Variants in IL17REL observed in about 807,000 individuals in gnomAD.
The protein encoded by IL17REL is interleukin-17 receptor E-like protein.
A neutral mutation model predicts 49.0 loss-of-function variants in IL17REL; 36 were observed. The ratio of observed to expected loss-of-function variants is 0.73; its 90% CI spans 0.56 to 0.97. The LOEUF (loss-of-function observed/expected upper bound fraction) is 0.97. IL17REL is among the 50% of genes least tolerant of loss of function. The pLI, the probability that IL17REL is intolerant of heterozygous loss-of-function variation, is 0.00. For synonymous variants in IL17REL, 206 were observed against 192.4 expected (o/e 1.07, Z -0.58); for missense variants, 470 against 453.9 (o/e 1.04, Z -0.32).
intron 1 of IL17REL, among the ~76,000 whole-genome samples, chr22:50,006,243 G>A (rs561336614): frequency 6.6e-6 from 1 of 152,144 alleles, no homozygotes; most frequent in Admixed American, 6.6e-5. Context: ...GGGAGAGAAA[G>A]CTCCCCCAAA....
chr22:49,997,176 G>T, intron 11 of IL17REL, 102 bp from the exon 14 acceptor site: 1 of 1,402,714 alleles, frequency 7.1e-7, no homozygotes, highest in Non-Finnish European at 9.8e-7. Flanking sequence ...AGCAGGGCTG[G>T]CCTCCCATCC....
chr22:49,997,069 G>T (rs1308399195), exon 12 of IL17REL: 1 of 1,568,860 alleles, frequency 6.4e-7, no homozygotes. Context: ...CGGCTGCCAG[G>T]TCACCCTGGG....
chr22:50,000,005 G>C (rs1211706772), intron 4 of IL17REL, 38 bp from the exon 7 acceptor site: 1 of 1,451,026 alleles, frequency 6.9e-7, no homozygotes, highest in African/African-American at 1.5e-5. Context: ...GCTGGGACCA[G>C]CGGTCACCGA....
chr22:50,001,410 G>A (rs2061079567), intron 1 of IL17REL, among the ~76,000 whole-genome samples, 179 bp from the exon 3 acceptor site: 3 of 152,122 alleles, frequency 2.0e-5, no homozygotes, highest in South Asian at 2.1e-4. Flanking sequence ...CCCCCACCCC[G>A]AGACACACTC....
chr22:50,002,197 G>C (rs1048720962), intron 1 of IL17REL, among the ~76,000 whole-genome samples: 1 of 152,224 alleles, frequency 6.6e-6, no homozygotes, highest in African/African-American at 2.4e-5. Context: ...AGGGCAGCTA[G>C]GAGTGTTACC....
chr22:49,997,001 C>T, exon 12 of IL17REL: 1 of 1,519,004 alleles, frequency 6.6e-7, no homozygotes, highest in Middle Eastern at 1.8e-4. Context: ...CACCTGGATG[C>T]AGATGCCTGG....
intron 1 of IL17REL, among the ~76,000 whole-genome samples, chr22:50,007,853 T>TAAAG (rs137861): frequency 1.3e-5 from 2 of 151,470 alleles, no homozygotes; most frequent in African/African-American, 4.9e-5. Flanking sequence ...CAAGTAAAAA[T>TAAAG]AAAATAGTTT....
At chr22:49,992,392 C>T (rs1473746231), downstream of IL17REL, among the ~76,000 whole-genome samples, 1 of 152,210 alleles carries the variant, frequency 6.6e-6, no homozygotes, top group Non-Finnish European at 1.5e-5. Context: ...GTTCACACAT[C>T]ACCTTGTCTG....
upstream of IL17REL, among the ~76,000 whole-genome samples, chr22:50,009,620 A>C (rs1162994909): frequency 9.1e-6 from 1 of 110,186 alleles, no homozygotes; most frequent in African/African-American, 3.5e-5. Context: ...TACAGACCGG[A>C]CGGGGAAGCC....
At chr22:49,997,172 G>A (rs2061040611) in intron 11 of IL17REL, 98 bp from the exon 14 acceptor site, 1 of 1,413,106 alleles carries the variant, frequency 7.1e-7, no homozygotes, top group Non-Finnish European at 9.7e-7. Context: ...ACAAAGCAGG[G>A]CTGGCCTCCC....
chr22:50,002,627 C>T (rs1475600130), intron 1 of IL17REL, among the ~76,000 whole-genome samples: 3 of 151,576 alleles, frequency 2.0e-5, no homozygotes, highest in Non-Finnish European at 2.9e-5. Context: ...CACGAGTAGT[C>T]GGGATTACAG....
chr22:49,991,955 T>A (rs1203002772), downstream of IL17REL, among the ~76,000 whole-genome samples: 1 of 152,206 alleles, frequency 6.6e-6, no homozygotes, highest in East Asian at 1.9e-4. Context: ...TCAGTCAATA[T>A]ATGTAAGAAG....
At chr22:50,000,617 C>T in intron 3 of IL17REL, 25 bp from the exon 5 acceptor site, 1 of 1,600,488 alleles carries the variant, frequency 6.2e-7, no homozygotes, top group Non-Finnish European at 8.6e-7. Flanking sequence ...GTGTGAGCTG[C>T]GTGGACTCAG....
At chr22:50,003,820 G>A (rs1029548481) in intron 1 of IL17REL, among the ~76,000 whole-genome samples, 3 of 152,090 alleles carry the variant, frequency 2.0e-5, no homozygotes, top group African/African-American at 7.2e-5. Context: ...AACAAGACAA[G>A]GATCCCTGCT....
At chr22:49,999,839 C>G (rs1468405935) in exon 5 of IL17REL, 7 of 1,518,206 alleles carry the variant, frequency 4.6e-6, no homozygotes, top group Non-Finnish European at 6.2e-6. Flanking sequence ...CGCACAGGGG[C>G]GCCGGCGTCC....
At chr22:50,001,745 C>A (rs1786216630) in intron 1 of IL17REL, among the ~76,000 whole-genome samples, 1 of 152,252 alleles carries the variant, frequency 6.6e-6, no homozygotes, top group Admixed American at 6.5e-5. Context: ...TGAGCAGCCT[C>A]ACCAGACGTG....
At chr22:50,002,534 G>A (rs1233317253) in intron 1 of IL17REL, among the ~76,000 whole-genome samples, 8 of 137,078 alleles carry the variant, frequency 5.8e-5, no homozygotes, top group East Asian at 4.2e-4. Context: ...CCGCTCTGAC[G>A]CCCAGGCTGG....
chr22:49,999,521 G>A lies in IL17REL; in HGVS notation c.475-19C>T, dbSNP rs1239691336. On this transcript the variant is annotated intron_variant, in intron 5 of 12. Transcript: ENST00000341280. ...CGGTCACCTGCAACCCAGAAAGGGC[G>A]GCTGAGGGGCCGCGCGGGAGGGCGG... The A allele has an allele frequency of 1.9e-6, 3 of 1,586,148 alleles. No homozygotes were observed. Among genetic ancestry groups the A allele is most frequent in the African/African-American group, 1.3e-5 (1 of 74,170 alleles).
At chr22:50,004,183 A>G (rs1000432436) in intron 1 of IL17REL, among the ~76,000 whole-genome samples, 1 of 151,888 alleles carries the variant, frequency 6.6e-6, no homozygotes, top group South Asian at 2.1e-4. Context: ...GGTTCAAGCG[A>G]TTCTTGTGTC....
Sources: allele counts gnomAD v4.1 joint callset (sites outside exome capture counted in the v4.1 genomes callset), GRCh38; gene constraint gnomAD v4.1.1; transcripts MANE v1.5; gene names NCBI Gene and HGNC (gene_info 2026-07-23, HGNC 2026-07-21).